The following CDH13 variants were observed in gnomAD, a reference collection of about 807,000 sequenced individuals.
CDH13 encodes the protein cadherin-13.
CDH13 carries 24 observed loss-of-function variants against 63.8 expected under a neutral mutation model. That is an observed-to-expected ratio of 0.38 (90% CI 0.27 to 0.53). CDH13 has a LOEUF of 0.53. CDH13 is among the 20% of genes least tolerant of loss of function. The pLI is 0.85. For missense variants in CDH13, 1,049 were observed against 903.1 expected, an observed-to-expected ratio of 1.16 and a Z score of -2.07; for synonymous variants, 503 against 355.3, an observed-to-expected ratio of 1.42 and a Z score of -4.67.
In CDH13 at chr16:83,416,936, C is replaced by A. The variant is rs75467074; in HGVS notation, c.782-69541C>A. 1.1e-4 allele frequency among the ~76,000 whole-genome samples: 16 copies of A among 152,062 alleles called. No individual in the cohort carries two copies. In the East Asian group the frequency reaches 3.1e-3, roughly 29 times the overall value. On this transcript the variant is annotated intron_variant, in intron 6 of 13. Transcript: ENST00000567109. ...TGTGCAAAGTCTTTAGAACAGTGCC[C>A]GGCACATGTTAAGTACTGTTTAGCT...
intron 1 of CDH13, among the ~76,000 whole-genome samples, chr16:82,845,073 A>G (rs906862273): frequency 6.6e-6 from 1 of 152,126 alleles, no homozygotes; most frequent in African/African-American, 2.4e-5. Flanking sequence ...AGGTACAGGT[A>G]GTTTTCTTTG....
Position 83,399,194 on chromosome 16 carries a change from T to C in CDH13, c.781+54188T>C, listed in dbSNP as rs550842473. Among the ~76,000 whole-genome samples the C allele has an allele frequency of 7.9e-5, 12 of 152,326 alleles. No homozygotes were observed. In the South Asian group the frequency reaches 1.9e-3, roughly 24 times the overall value. On this transcript the variant is annotated intron_variant, in intron 6 of 13. Transcript: ENST00000567109. ...CCTGAACATGCTCCTTTTTTGGCTA[T>C]GAGAATTTGGGTCTTAGTTTTCTTG...
At chr16:82,835,137 C>T (rs575771932) in intron 1 of CDH13, among the ~76,000 whole-genome samples, 34 of 152,244 alleles carry the variant, frequency 2.2e-4, no homozygotes, top group African/African-American at 7.2e-4. Flanking sequence ...ATAGAAATTG[C>T]GAATGAAATA....
At chr16:83,562,498 G>T (rs894970208) in intron 7 of CDH13, among the ~76,000 whole-genome samples, 11 of 152,266 alleles carry the variant, frequency 7.2e-5, no homozygotes, top group Non-Finnish European at 1.5e-4. Context: ...ATTTCTATTT[G>T]CCTATTTCAT....
chr16:82,687,597 A>G (rs1273538105), intron 1 of CDH13, among the ~76,000 whole-genome samples: 1 of 152,170 alleles, frequency 6.6e-6, no homozygotes, highest in African/African-American at 2.4e-5. Context: ...AGACTTATTC[A>G]CTATCACAAG....
intron 1 of CDH13, among the ~76,000 whole-genome samples, chr16:82,668,472 T>C (rs1002095785): frequency 1.8e-4 from 27 of 152,180 alleles, no homozygotes; most frequent in African/African-American, 6.5e-4. Context: ...AGTTATAATA[T>C]TACCCCAAAG....
chr16:83,532,473 C>T (rs886169206), intron 7 of CDH13, among the ~76,000 whole-genome samples: 3 of 152,230 alleles, frequency 2.0e-5, no homozygotes, highest in Non-Finnish European at 4.4e-5. Context: ...GAATATTTGT[C>T]TTCCCAGAGA....
At chr16:82,986,206 C>T (rs1371579576) in intron 2 of CDH13, among the ~76,000 whole-genome samples, 1 of 152,206 alleles carries the variant, frequency 6.6e-6, no homozygotes, top group African/African-American at 2.4e-5. Flanking sequence ...GAGATCAATA[C>T]TGTCCCTAGG....
chr16:83,526,504 G>C (rs1379852552), intron 7 of CDH13, among the ~76,000 whole-genome samples: 3 of 152,164 alleles, frequency 2.0e-5, no homozygotes, highest in Non-Finnish European at 2.9e-5. Context: ...AATAGGTTTT[G>C]CACTCCTATC....
intron 1 of CDH13, chr16:82,719,422 G>C (rs2032614013): frequency 2.2e-6 from 1 of 455,820 alleles, no homozygotes; most frequent in African/African-American, 2.0e-5. Flanking sequence ...CCAATGGCTT[G>C]GAGTCTGAGG....
At chr16:83,620,070 T>C (rs1406055463) in intron 8 of CDH13, among the ~76,000 whole-genome samples, 2 of 145,726 alleles carry the variant, frequency 1.4e-5, no homozygotes, top group African/African-American at 5.1e-5. Context: ...TCCAAGTGCA[T>C]GGGGAAGACA....
chr16:82,676,436 A>G (rs1412094218), intron 1 of CDH13, among the ~76,000 whole-genome samples: 1 of 148,922 alleles, frequency 6.7e-6, no homozygotes, highest in Non-Finnish European at 1.5e-5. Context: ...GAATCCATCC[A>G]GTTCTCTCCC....
At chr16:82,853,923 TC>T (rs2151158095) in intron 1 of CDH13, among the ~76,000 whole-genome samples, 2 of 152,326 alleles carry the variant, frequency 1.3e-5, no homozygotes, top group South Asian at 4.1e-4. Flanking sequence ...ATGTGACATC[TC>T]ATAATATTGG....
chr16:83,740,630 G>A (rs139455634), intron 10 of CDH13, among the ~76,000 whole-genome samples: 353 of 152,292 alleles, frequency 2.3e-3, no homozygotes, highest in Non-Finnish European at 3.9e-3. Context: ...ATGTGCTAGA[G>A]CCTCATGCAG....
chr16:82,887,727 A>C (rs2151216283), intron 2 of CDH13, among the ~76,000 whole-genome samples: 1 of 152,316 alleles, frequency 6.6e-6, no homozygotes, highest in East Asian at 1.9e-4. Flanking sequence ...AGTCTGAGGC[A>C]GGAGAATTGC....
chr16:82,912,385 A>T (rs1435128641), intron 2 of CDH13, among the ~76,000 whole-genome samples: 1 of 152,110 alleles, frequency 6.6e-6, no homozygotes, highest in Non-Finnish European at 1.5e-5. Context: ...CAGTAACTCC[A>T]TGGTTGTAGA....
intron 7 of CDH13, among the ~76,000 whole-genome samples, chr16:83,519,769 G>T (rs148346459): frequency 1.3e-5 from 2 of 152,272 alleles, no homozygotes; most frequent in South Asian, 2.1e-4. Flanking sequence ...AAGCAGCATG[G>T]CAAAGGTACA....
At chr16:83,214,824 A>T (rs1040348155) in intron 4 of CDH13, among the ~76,000 whole-genome samples, 1 of 151,906 alleles carries the variant, frequency 6.6e-6, no homozygotes, top group Non-Finnish European at 1.5e-5. Context: ...GAGGCGATGG[A>T]CCGTGTTCAT....
chr16:83,634,031 G>A (rs987223130), intron 8 of CDH13, among the ~76,000 whole-genome samples: 2 of 152,046 alleles, frequency 1.3e-5, no homozygotes, highest in Admixed American at 6.6e-5. Context: ...TAACTGTAGT[G>A]CAACAATACC....
Sources: gnomAD v4.1 joint callset for allele counts (sites outside exome capture counted in the v4.1 genomes callset) on GRCh38, gnomAD v4.1.1 for gene constraint, MANE v1.5 for transcripts, NCBI Gene and HGNC (gene_info 2026-07-23, HGNC 2026-07-21) for gene names.